Variants in MNAT1 observed in about 807,000 individuals in gnomAD.
MNAT1 encodes MNAT1 component of CDK activating kinase, also known as CDK-activating kinase assembly factor MAT1.
A neutral mutation model predicts 42.0 loss-of-function variants in MNAT1; 43 were observed. That is an observed-to-expected ratio of 1.02 (90% confidence interval 0.80 to 1.32). The LOEUF (loss-of-function observed/expected upper bound fraction) is 1.32, where lower values mean the gene tolerates loss of function less well. MNAT1 is among the 40% of genes most tolerant of loss of function. The probability of loss-of-function intolerance (pLI) is 0.00; values close to 1 mark genes in which losing one functional copy is unlikely to be tolerated. For synonymous variants in MNAT1, 118 were observed against 120.0 expected (o/e 0.98, Z 0.11); for missense variants, 306 against 350.4 (o/e 0.87, Z 1.01).
At chr14:60,833,032 C>G (rs1365863808) in intron 6 of MNAT1, among the ~76,000 whole-genome samples, 1 of 152,018 alleles carries the variant, frequency 6.6e-6, no homozygotes, top group African/African-American at 2.4e-5. Flanking sequence ...GATTTTGTAT[C>G]CTGAGACTTT....
chr14:60,855,447 T>G (rs1390667213), intron 6 of MNAT1, among the ~76,000 whole-genome samples: 1 of 152,154 alleles, frequency 6.6e-6, no homozygotes, highest in African/African-American at 2.4e-5. Context: ...CCTGGTGGTG[T>G]AGGCACATGA....
intron 1 of MNAT1, chr14:60,753,985 G>T (rs974650285): frequency 2.9e-5 from 4 of 139,744 alleles, no homozygotes; most frequent in African/African-American, 9.9e-5. Flanking sequence ...ATGAAAGACA[G>T]TTTATGTGTC....
chr14:60,818,634 A>G (rs973063), intron 5 of MNAT1, 88 bp from the exon 6 acceptor site: 685,753 of 1,180,028 alleles, frequency 0.58, 210,641 homozygotes, highest in Admixed American at 0.66. Flanking sequence ...TGAAATGCTT[A>G]TGGAAAAGAC....
At chr14:60,836,749 T>C (rs1389612854) in intron 6 of MNAT1, among the ~76,000 whole-genome samples, 1 of 152,144 alleles carries the variant, frequency 6.6e-6, no homozygotes, top group Non-Finnish European at 1.5e-5. Context: ...GTCTGTTCCT[T>C]AGTAGAGCTT....
intron 5 of MNAT1, among the ~76,000 whole-genome samples, chr14:60,815,953 A>G (rs1233499579): frequency 6.6e-6 from 1 of 152,184 alleles, no homozygotes; most frequent in Non-Finnish European, 1.5e-5. Flanking sequence ...TGAATTCATT[A>G]AATTTATTTT....
chr14:60,874,647 C>A (rs925954820), intron 6 of MNAT1, among the ~76,000 whole-genome samples: 2 of 152,136 alleles, frequency 1.3e-5, no homozygotes, highest in Admixed American at 1.3e-4. Context: ...CCATTTGGCA[C>A]CCAACCAAAT....
At chr14:60,918,578 A>G (rs2035583262) in intron 7 of MNAT1, among the ~76,000 whole-genome samples, 1 of 151,636 alleles carries the variant, frequency 6.6e-6, no homozygotes, top group Non-Finnish European at 1.5e-5. Context: ...TATCATTTAT[A>G]CACTTAAAAA....
intron 1 of MNAT1, among the ~76,000 whole-genome samples, chr14:60,748,727 G>A (rs1469250546): frequency 6.6e-6 from 1 of 152,074 alleles, no homozygotes; most frequent in African/African-American, 2.4e-5. Flanking sequence ...TGATAACAAT[G>A]CCTTCTTCTA....
chr14:60,806,370 G>A (rs1231471010), intron 3 of MNAT1, among the ~76,000 whole-genome samples: 12 of 152,184 alleles, frequency 7.9e-5, no homozygotes, highest in Admixed American at 7.9e-4. Flanking sequence ...ACTGAGATGA[G>A]CCCTATGGGT....
chr14:60,830,054 C>T (rs1195337321), intron 6 of MNAT1, among the ~76,000 whole-genome samples: 4 of 152,084 alleles, frequency 2.6e-5, no homozygotes, highest in Non-Finnish European at 5.9e-5. Context: ...CTCACTTAAT[C>T]GTGAAAACTA....
At chr14:60,948,293 T>G (rs1169376770) in intron 7 of MNAT1, among the ~76,000 whole-genome samples, 1 of 152,098 alleles carries the variant, frequency 6.6e-6, no homozygotes, top group Non-Finnish European at 1.5e-5. Flanking sequence ...TAGCTGGGCA[T>G]GGTGGTGCAT....
At chr14:60,939,725 A>G (rs879581567) in intron 7 of MNAT1, among the ~76,000 whole-genome samples, 24 of 152,026 alleles carry the variant, frequency 1.6e-4, no homozygotes, top group Non-Finnish European at 2.6e-4. Context: ...TGGGTTGGAG[A>G]GTTCTGTAGA....
intron 7 of MNAT1, 120 bp downstream of exon 7, chr14:60,879,955 A>T (rs1566531104): frequency 8.7e-7 from 1 of 1,152,502 alleles, no homozygotes; most frequent in African/African-American, 1.6e-5. Flanking sequence ...TTTGTGAAAA[A>T]TGAACAGTAC....
In MNAT1 at chr14:60,968,460, G is replaced by T; in HGVS notation, c.*111G>T. 1.3e-6 allele frequency: 2 copies of T among 1,521,978 alleles called. No homozygotes were observed. Among genetic ancestry groups the T allele is most frequent in the Middle Eastern group, 3.4e-4 (2 of 5,860 alleles). 94.3% of individuals were successfully genotyped at this position (1,521,978 alleles called of 1,614,324 possible). A position where few individuals can be genotyped will look rare whatever the true frequency, so the allele number is the denominator to read the frequency against. On this transcript the variant is annotated 3_prime_UTR_variant, in exon 8 of 8. Transcript: ENST00000261245. The stretch of plus-strand genomic sequence containing the variant: ...GCACAACACAGTCCTTCCACTAGCA[G>T]CTGTGTTAAAGTATTTATAAGGAGA...
Position 60,813,197 on chromosome 14 carries a change from G to A in MNAT1, c.561+1070G>A, listed in dbSNP as rs535510022. 1.9e-3 allele frequency among the ~76,000 whole-genome samples: 286 copies of A among 152,320 alleles called. 1 individual carries two copies. Among genetic ancestry groups the A allele is most frequent in the African/African-American group, 6.4e-3 (265 of 41,570 alleles). On this transcript the variant is annotated intron_variant, in intron 5 of 7. Transcript: ENST00000261245. ...CCACGTAGAGTTTGCTTCTGTGTCC[G>A]TGCCTGGGGCGGATGGCTGGGTCCT...
intron 1 of MNAT1, among the ~76,000 whole-genome samples, chr14:60,773,454 T>C (rs115121126): frequency 0.013 from 1,997 of 152,150 alleles, 43 homozygotes; most frequent in African/African-American, 0.046. Context: ...GAGACAGATA[T>C]TAAACACAAA....
intron 7 of MNAT1, among the ~76,000 whole-genome samples, chr14:60,918,579 C>T (rs1212190505): frequency 6.6e-6 from 1 of 151,628 alleles, no homozygotes; most frequent in Non-Finnish European, 1.5e-5. Flanking sequence ...ATCATTTATA[C>T]ACTTAAAAAA....
chr14:60,819,862 G>A (rs907181033), intron 6 of MNAT1, among the ~76,000 whole-genome samples: 9 of 151,996 alleles, frequency 5.9e-5, no homozygotes, highest in Admixed American at 6.6e-5. Flanking sequence ...TCTCATAAAC[G>A]TGTTGGGAAA....
At chr14:60,806,565 C>T (rs1370709394) in intron 3 of MNAT1, among the ~76,000 whole-genome samples, 1 of 152,222 alleles carries the variant, frequency 6.6e-6, no homozygotes, top group African/African-American at 2.4e-5. Context: ...CATGGTGGCT[C>T]ACGCCAGTAA....
Sources: allele counts gnomAD v4.1 joint callset (sites outside exome capture counted in the v4.1 genomes callset), GRCh38; gene constraint gnomAD v4.1.1; transcripts MANE v1.5; gene names NCBI Gene and HGNC (gene_info 2026-07-23, HGNC 2026-07-21).